The following ZNF385B variants were observed in gnomAD, a reference collection of about 807,000 sequenced individuals.
ZNF385B encodes zinc finger protein 533.
ZNF385B carries 23 observed loss-of-function variants against 39.2 expected under a neutral mutation model. The ratio of observed to expected loss-of-function variants is 0.59; its 90% CI spans 0.42 to 0.83. The LOEUF is 0.83. Among genes scored for constraint, ZNF385B ranks in the 40% least tolerant of loss-of-function variants. The pLI, the probability that ZNF385B is intolerant of heterozygous loss-of-function variation, is 0.00. For synonymous variants in ZNF385B, 205 were observed against 222.6 expected (o/e 0.92, Z 0.70); for missense variants, 552 against 598.9 (o/e 0.92, Z 0.82).
intron 3 of ZNF385B, among the ~76,000 whole-genome samples, chr2:179,755,439 C>T (rs1702952468): frequency 6.6e-6 from 1 of 152,154 alleles, no homozygotes; most frequent in African/African-American, 2.4e-5. Context: ...CTGTAGATGT[C>T]TATTAGGTCT....
In ZNF385B at chr2:179,742,037, T is replaced by C. The variant is rs187492292; in HGVS notation, c.298+27466A>G. Reference sequence around the variant, plus strand: ...TGCTAAAGAAGGAAAATCCCGAAAATATTCTAGTTGACAAGGGATGACAAT... The same window carrying C: ...TGCTAAAGAAGGAAAATCCCGAAAACATTCTAGTTGACAAGGGATGACAAT... On this transcript the variant is annotated intron_variant, in intron 3 of 9. Transcript: ENST00000410066. 5.9e-5 allele frequency among the ~76,000 whole-genome samples: 9 copies of C among 152,138 alleles called. No individual in the cohort carries two copies. The East Asian group carries it at 1.7e-3, about 29-fold the overall frequency.
At chr2:179,641,398 A>C (rs531688294) in intron 3 of ZNF385B, among the ~76,000 whole-genome samples, 1 of 152,144 alleles carries the variant, frequency 6.6e-6, no homozygotes, top group African/African-American at 2.4e-5. Flanking sequence ...TATTTCTCCA[A>C]GTCTCTTTAT....
chr2:179,523,031 GAAAC>G (rs1191217010), intron 4 of ZNF385B: 1 of 263,644 alleles, frequency 3.8e-6, no homozygotes, highest in African/African-American at 2.3e-5. Flanking sequence ...TAAAAAGCCT[GAAAC>G]ACTAACTAAA....
At chr2:179,836,535 G>C (rs894211580) in intron 1 of ZNF385B, among the ~76,000 whole-genome samples, 1 of 45,248 alleles carries the variant, frequency 2.2e-5, no homozygotes, top group Admixed American at 2.9e-4. Context: ...TTTTTGAGAC[G>C]GAGTCTCGCT....
At chr2:179,690,862 G>T (rs1698302499) in intron 3 of ZNF385B, among the ~76,000 whole-genome samples, 2 of 152,192 alleles carry the variant, frequency 1.3e-5, no homozygotes, top group African/African-American at 4.8e-5. Flanking sequence ...TCTGCCACAA[G>T]TCTCAGTTTA....
At chr2:179,446,005 T>C (rs1382162883) in intron 7 of ZNF385B, among the ~76,000 whole-genome samples, 4 of 152,146 alleles carry the variant, frequency 2.6e-5, no homozygotes, top group Non-Finnish European at 5.9e-5. Flanking sequence ...AGGGTATTTC[T>C]TGTCAGTTTC....
intron 3 of ZNF385B, among the ~76,000 whole-genome samples, chr2:179,568,323 A>T (rs1684825937): frequency 6.6e-6 from 1 of 152,088 alleles, no homozygotes; most frequent in South Asian, 2.1e-4. Flanking sequence ...TTGTCTCTAA[A>T]ATGATCATGT....
chr2:179,463,059 A>G (rs10178516), intron 6 of ZNF385B, among the ~76,000 whole-genome samples: 70,827 of 151,898 alleles, frequency 0.47, 17,469 homozygotes, highest in Admixed American at 0.59. Flanking sequence ...GTCAATAAAT[A>G]AAACAGGGAG....
chr2:179,808,975 T>A (rs1706566388), intron 1 of ZNF385B, among the ~76,000 whole-genome samples: 1 of 152,238 alleles, frequency 6.6e-6, no homozygotes, highest in East Asian at 1.9e-4. Flanking sequence ...AATGAAATAT[T>A]CTTTAACTAC....
intron 3 of ZNF385B, among the ~76,000 whole-genome samples, chr2:179,673,128 A>T (rs553657909): frequency 6.6e-6 from 1 of 152,338 alleles, no homozygotes; most frequent in South Asian, 2.1e-4. Context: ...TACATGGTTC[A>T]GGATTTAGAT....
At chr2:179,585,194 T>C (rs563280051) in intron 3 of ZNF385B, among the ~76,000 whole-genome samples, 1 of 152,318 alleles carries the variant, frequency 6.6e-6, no homozygotes, top group African/African-American at 2.4e-5. Context: ...ACAGTGCTTA[T>C]GGTAGGATAA....
rs563787921 is a variant in ZNF385B, at chr2:179,861,401, G to C, written c.-455C>G. On this transcript the variant is annotated 5_prime_UTR_variant, in exon 1 of 10. Coordinates refer to ENST00000410066, the MANE Select transcript of ZNF385B (RefSeq NM_152520.6). The stretch of plus-strand genomic sequence containing the variant: ...CGCCTGCGCACCGGGCCTCGCCCAG[G>C]TGAGGGGCGTGTGCCCGGAGCCCGC... 2 of 150,554 alleles carry C rather than the reference G, an allele frequency of 1.3e-5. No individual in the cohort carries two copies. Among genetic ancestry groups the C allele is most frequent in the South Asian group, 4.0e-4 (2 of 5,034 alleles). The allele number at this position is 150,554 out of a possible 1,614,324, so 9.3% of individuals were successfully genotyped here. A position where few individuals can be genotyped will look rare whatever the true frequency, so the allele number is the denominator to read the frequency against.
At chr2:179,816,310 T>C (rs1454801386) in intron 1 of ZNF385B, among the ~76,000 whole-genome samples, 1 of 152,160 alleles carries the variant, frequency 6.6e-6, no homozygotes, top group Non-Finnish European at 1.5e-5. Flanking sequence ...ACTTTCATTC[T>C]AGTTTAAGCC....
intron 3 of ZNF385B, among the ~76,000 whole-genome samples, chr2:179,649,734 C>T (rs1286911763): frequency 6.6e-6 from 1 of 151,890 alleles, no homozygotes; most frequent in East Asian, 1.9e-4. Context: ...GCACAAAATC[C>T]ATTAGCAAAA....
At chr2:179,670,511 T>G (rs1695840497) in intron 3 of ZNF385B, among the ~76,000 whole-genome samples, 1 of 126,914 alleles carries the variant, frequency 7.9e-6, no homozygotes, top group Admixed American at 7.9e-5. Context: ...AAATAGGAAC[T>G]AATAGGTCTT....
At chr2:179,451,147 GT>G (rs1418854837) in intron 6 of ZNF385B, among the ~76,000 whole-genome samples, 1 of 150,912 alleles carries the variant, frequency 6.6e-6, no homozygotes, top group Non-Finnish European at 1.5e-5. Flanking sequence ...TATACCTAAT[GT>G]TAAATGACGA....
At chr2:179,676,900 A>T (rs1696907351) in intron 3 of ZNF385B, among the ~76,000 whole-genome samples, 1 of 152,186 alleles carries the variant, frequency 6.6e-6, no homozygotes, top group Non-Finnish European at 1.5e-5. Flanking sequence ...GAATAGAGAA[A>T]TACTCAGGGA....
At chr2:179,585,673 A>G (rs1339687710) in intron 3 of ZNF385B, among the ~76,000 whole-genome samples, 3 of 152,234 alleles carry the variant, frequency 2.0e-5, no homozygotes, top group African/African-American at 4.8e-5. Context: ...TAATTGACTC[A>G]TGGGAGATGA....
At chr2:179,662,011 C>T (rs775690292) in intron 3 of ZNF385B, among the ~76,000 whole-genome samples, 34 of 152,178 alleles carry the variant, frequency 2.2e-4, no homozygotes, top group Non-Finnish European at 4.3e-4. Flanking sequence ...TGTGATTTGG[C>T]TTTAATAATA....
Sources: gnomAD v4.1 joint callset for allele counts (sites outside exome capture counted in the v4.1 genomes callset) on GRCh38, gnomAD v4.1.1 for gene constraint, MANE v1.5 for transcripts, NCBI Gene and HGNC (gene_info 2026-07-23, HGNC 2026-07-21) for gene names.